Variants in SUMF1 observed in about 807,000 individuals in gnomAD.
The protein encoded by SUMF1 is sulfatase modifying factor 1.
A neutral mutation model predicts 47.6 loss-of-function variants in SUMF1; 48 were observed. The ratio of observed to expected loss-of-function variants is 1.01; its 90% confidence interval spans 0.80 to 1.28. The LOEUF (loss-of-function observed/expected upper bound fraction) is 1.28. Ranked by LOEUF, SUMF1 falls within the 50% of genes most tolerant of loss-of-function variation. The pLI is 0.00. For missense variants in SUMF1, 571 were observed against 485.4 expected, an observed-to-expected ratio of 1.18 and a Z score of -1.66; for synonymous variants, 230 against 192.1, an observed-to-expected ratio of 1.20 and a Z score of -1.63.
chr3:4,058,198 G>C (rs964053003), intron 9 of SUMF1, among the ~76,000 whole-genome samples: 1 of 152,068 alleles, frequency 6.6e-6, no homozygotes, highest in Non-Finnish European at 1.5e-5. Flanking sequence ...AGGCAATATA[G>C]CACCACAATC....
chr3:4,276,581 C>T (rs1431241556), intron 8 of SUMF1, among the ~76,000 whole-genome samples: 1 of 152,098 alleles, frequency 6.6e-6, no homozygotes, highest in Admixed American at 6.6e-5. Flanking sequence ...TTATAAAATG[C>T]ACATGATTTA....
chr3:4,394,318 T>C (rs1020119727), intron 7 of SUMF1, among the ~76,000 whole-genome samples: 1 of 151,942 alleles, frequency 6.6e-6, no homozygotes, highest in Non-Finnish European at 1.5e-5. Context: ...CACAGACACA[T>C]GCACCATTTT....
chr3:4,431,274 A>G (rs1483107063), intron 3 of SUMF1, among the ~76,000 whole-genome samples: 1 of 152,180 alleles, frequency 6.6e-6, no homozygotes, highest in Non-Finnish European at 1.5e-5. Flanking sequence ...CATTTGGCAC[A>G]CTTTCCTCTG....
chr3:4,296,465 C>T (rs1482060872), intron 8 of SUMF1, among the ~76,000 whole-genome samples: 2 of 139,466 alleles, frequency 1.4e-5, no homozygotes, highest in Non-Finnish European at 3.2e-5. Context: ...AATGGACTCA[C>T]AGTTTCACAT....
intron 8 of SUMF1, among the ~76,000 whole-genome samples, chr3:4,279,946 T>G (rs1291581559): frequency 6.6e-6 from 1 of 152,144 alleles, no homozygotes; most frequent in African/African-American, 2.4e-5. Flanking sequence ...CAAGCTAACT[T>G]TAAAGAATCC....
At chr3:4,427,683 T>C (rs1298598411) in intron 3 of SUMF1, among the ~76,000 whole-genome samples, 1 of 152,198 alleles carries the variant, frequency 6.6e-6, no homozygotes, top group Non-Finnish European at 1.5e-5. Context: ...TTTTCAATAC[T>C]TTTTGGTTCA....
intron 8 of SUMF1, among the ~76,000 whole-genome samples, chr3:4,232,858 T>C (rs1262462043): frequency 1.3e-4 from 20 of 152,162 alleles, no homozygotes; most frequent in Non-Finnish European, 1.5e-5. Flanking sequence ...AAAGCAAAAA[T>C]GTCCAAGCAC....
intron 8 of SUMF1, among the ~76,000 whole-genome samples, chr3:4,186,572 T>G (rs1695204894): frequency 6.6e-6 from 1 of 152,150 alleles, no homozygotes; most frequent in African/African-American, 2.4e-5. Flanking sequence ...TAGAATGCAT[T>G]ACTCTACTCT....
chr3:4,283,269 C>T (rs931510846), intron 8 of SUMF1, among the ~76,000 whole-genome samples: 46 of 152,106 alleles, frequency 3.0e-4, no homozygotes, highest in African/African-American at 9.9e-4. Context: ...TTTTCAAATG[C>T]CCATTTGTAT....
chr3:4,339,825 C>T (rs778133164), intron 8 of SUMF1, among the ~76,000 whole-genome samples: 2 of 152,136 alleles, frequency 1.3e-5, no homozygotes, highest in Non-Finnish European at 1.5e-5. Flanking sequence ...GCCTGTAATC[C>T]TAACACTTTG....
chr3:4,239,119 G>A (rs951006442), intron 8 of SUMF1, among the ~76,000 whole-genome samples: 3 of 152,086 alleles, frequency 2.0e-5, no homozygotes, highest in African/African-American at 4.8e-5. Flanking sequence ...GCTCTGTTCT[G>A]TTCCATTGGT....
At chr3:4,153,602 A>T (rs1056467552) in intron 8 of SUMF1, among the ~76,000 whole-genome samples, 1 of 150,634 alleles carries the variant, frequency 6.6e-6, no homozygotes, top group Non-Finnish European at 1.5e-5. Flanking sequence ...AAATATATTC[A>T]AGCCCTAAAA....
At chr3:4,236,177 C>T (rs1696404688) in intron 8 of SUMF1, among the ~76,000 whole-genome samples, 1 of 151,914 alleles carries the variant, frequency 6.6e-6, no homozygotes, top group African/African-American at 2.4e-5. Flanking sequence ...CTAAAGTGAT[C>T]CTTCCACCTA....
intron 8 of SUMF1, among the ~76,000 whole-genome samples, chr3:4,270,151 A>G (rs572812662): frequency 6.6e-6 from 1 of 152,300 alleles, no homozygotes; most frequent in Admixed American, 6.5e-5. Context: ...GAGCCGGACT[A>G]TCAGGGAAAC....
At chr3:4,456,474 C>T (rs1306732732) in intron 1 of SUMF1, among the ~76,000 whole-genome samples, 1 of 130,490 alleles carries the variant, frequency 7.7e-6, no homozygotes, top group Non-Finnish European at 1.6e-5. Flanking sequence ...TTTTTTGAGA[C>T]GGAGTCTTAC....
At chr3:4,207,931 G>C (rs1196613675) in intron 8 of SUMF1, among the ~76,000 whole-genome samples, 2 of 152,084 alleles carry the variant, frequency 1.3e-5, no homozygotes, top group Non-Finnish European at 2.9e-5. Context: ...AAAAACTCCA[G>C]GGAGAATGAG....
At chr3:4,234,600 T>G (rs1696369483) in intron 8 of SUMF1, among the ~76,000 whole-genome samples, 1 of 152,158 alleles carries the variant, frequency 6.6e-6, no homozygotes, top group South Asian at 2.1e-4. Flanking sequence ...CAAGAATTAC[T>G]GTACAGCATG....
intron 8 of SUMF1, among the ~76,000 whole-genome samples, chr3:4,324,740 C>T (rs1305557574): frequency 1.3e-5 from 2 of 152,116 alleles, no homozygotes; most frequent in Non-Finnish European, 2.9e-5. Flanking sequence ...TCTGTTTGGG[C>T]TCAAAAGAAA....
chr3:4,303,781 T>C (rs1169737183), intron 8 of SUMF1: 1 of 1,438,940 alleles, frequency 6.9e-7, no homozygotes, highest in Non-Finnish European at 9.3e-7. Flanking sequence ...TGTGAGAACC[T>C]GGCTTTTTGT....
Sources: allele counts gnomAD v4.1 joint callset (sites outside exome capture counted in the v4.1 genomes callset), GRCh38; gene constraint gnomAD v4.1.1; transcripts MANE v1.5; gene names NCBI Gene and HGNC (gene_info 2026-07-23, HGNC 2026-07-21).